The following PPFIA2 variants were observed in gnomAD, a reference collection of about 807,000 sequenced individuals.
PPFIA2 encodes liprin-alpha-2.
PPFIA2 carries 46 observed loss-of-function variants against 175.5 expected under a neutral mutation model. The observed-to-expected ratio is 0.26, with a 90% CI of 0.21 to 0.34. The LOEUF (loss-of-function observed/expected upper bound fraction) is 0.34. Ranked by LOEUF, PPFIA2 falls within the 10% of genes least tolerant of loss-of-function variation. The probability of loss-of-function intolerance (pLI) is 1.00; values close to 1 mark genes in which losing one functional copy is unlikely to be tolerated. For missense variants in PPFIA2, 1,179 were observed against 1,506.1 expected (o/e 0.78, Z 3.60); for synonymous variants, 568 against 511.4 (o/e 1.11, Z -1.49).
At chr12:81,344,563 T>C in intron 19 of PPFIA2, 101 bp downstream of exon 19, 3 of 812,858 alleles carry the variant, frequency 3.7e-6, no homozygotes, top group Non-Finnish European at 5.6e-6. Context: ...CTCAACTTTT[T>C]AATGTTTTAT....
intron 4 of PPFIA2, among the ~76,000 whole-genome samples, chr12:81,656,137 A>G (rs558953718): frequency 9.2e-5 from 14 of 151,796 alleles, no homozygotes; most frequent in African/African-American, 2.9e-4. Flanking sequence ...TTTAATTATC[A>G]TATTTGTTCT....
At chr12:81,709,574 T>C (rs937910522) in intron 3 of PPFIA2, among the ~76,000 whole-genome samples, 1 of 152,014 alleles carries the variant, frequency 6.6e-6, no homozygotes, top group South Asian at 2.1e-4. Context: ...ATGTCATATA[T>C]ATTTTACAAA....
intron 5 of PPFIA2, among the ~76,000 whole-genome samples, chr12:81,454,842 A>T (rs1441911962): frequency 6.6e-6 from 1 of 151,946 alleles, no homozygotes; most frequent in African/African-American, 2.4e-5. Flanking sequence ...TTTCTTTTAT[A>T]TATTTATTTA....
At chr12:81,373,604 C>A (rs2035691598) in intron 11 of PPFIA2, among the ~76,000 whole-genome samples, 1 of 152,024 alleles carries the variant, frequency 6.6e-6, no homozygotes, top group Non-Finnish European at 1.5e-5. Flanking sequence ...TAAATGCTCT[C>A]TAATCCTGCT....
chr12:81,321,705 T>C (rs958777225), intron 22 of PPFIA2, among the ~76,000 whole-genome samples: 2 of 152,210 alleles, frequency 1.3e-5, no homozygotes, highest in Non-Finnish European at 2.9e-5. Flanking sequence ...AATTGACTAT[T>C]TTGTTAGTCA....
At chr12:81,589,193 C>T (rs1174964991) in intron 4 of PPFIA2, among the ~76,000 whole-genome samples, 4 of 152,002 alleles carry the variant, frequency 2.6e-5, no homozygotes, top group African/African-American at 9.7e-5. Context: ...CACCTGCCCT[C>T]ATATAATATA....
chr12:81,641,855 T>G (rs2065012597), intron 4 of PPFIA2, among the ~76,000 whole-genome samples: 1 of 152,202 alleles, frequency 6.6e-6, no homozygotes, highest in Admixed American at 6.5e-5. Flanking sequence ...TGTCTTATTA[T>G]GCATCAAAGT....
intron 4 of PPFIA2, among the ~76,000 whole-genome samples, chr12:81,536,918 T>G (rs528025595): frequency 6.6e-6 from 1 of 150,954 alleles, no homozygotes; most frequent in Non-Finnish European, 1.5e-5. Flanking sequence ...CAGTTAAGAC[T>G]GATGGGAAAG....
At chr12:81,705,456 C>CAAAAAAAAAAAAAAAA (rs58602688) in intron 3 of PPFIA2, among the ~76,000 whole-genome samples, 1 of 55,718 alleles carries the variant, frequency 1.8e-5, no homozygotes, top group Non-Finnish European at 4.3e-5. Flanking sequence ...GACTAGGTCT[C>CAAAAAAAAAAAAAAAA]AAAAAAAAAA....
intron 8 of PPFIA2, among the ~76,000 whole-genome samples, chr12:81,401,417 T>C (rs902325193): frequency 1.3e-5 from 2 of 152,188 alleles, no homozygotes; most frequent in East Asian, 1.9e-4. Context: ...TTCATACAGC[T>C]GGTAGCTGGC....
chr12:81,588,743 G>A (rs2075625517), intron 4 of PPFIA2, among the ~76,000 whole-genome samples: 1 of 151,498 alleles, frequency 6.6e-6, no homozygotes, highest in Admixed American at 6.6e-5. Flanking sequence ...TCTTTTATTA[G>A]CTCACATCCT....
At chr12:81,642,664 TATAC>T (rs1555549054) in intron 4 of PPFIA2, among the ~76,000 whole-genome samples, 1 of 113,824 alleles carries the variant, frequency 8.8e-6, no homozygotes, top group East Asian at 4.4e-4. Flanking sequence ...GTATCTATTA[TATAC>T]ATACATGTAT....
At position 81,705,754 on chromosome 12, in the gene PPFIA2, A is replaced by G. The variant is rs537115524; in HGVS notation, c.250-28910T>C. Among the ~76,000 whole-genome samples, 4 of 152,316 alleles carry G rather than the reference A, an allele frequency of 2.6e-5. No individual in the cohort carries two copies. In the South Asian group the frequency reaches 8.3e-4, roughly 32 times the overall value. ...TCAGTTGATTATTTTGTCATGATGC[A>G]TGACTGTCTCATCAGCCAGTTGAAT... On this transcript the variant is annotated intron_variant, in intron 3 of 32. Transcript: ENST00000549396.
intron 24 of PPFIA2, among the ~76,000 whole-genome samples, chr12:81,285,145 G>GTTA (rs2043009217): frequency 1.3e-5 from 2 of 152,066 alleles, no homozygotes; most frequent in African/African-American, 4.8e-5. Context: ...ATAACGTACA[G>GTTA]TTTCGAAACC....
chr12:81,462,742 A>T (rs1276258611), intron 4 of PPFIA2, among the ~76,000 whole-genome samples: 1 of 151,494 alleles, frequency 6.6e-6, no homozygotes, highest in Non-Finnish European at 1.5e-5. Context: ...GCTGAAGCTC[A>T]CTATTATGAA....
At chr12:81,343,162 G>A (rs1291314726) in intron 19 of PPFIA2, among the ~76,000 whole-genome samples, 4 of 152,004 alleles carry the variant, frequency 2.6e-5, no homozygotes, top group South Asian at 4.1e-4. Context: ...CTTTTGAAGT[G>A]TAAATACCAT....
At chr12:81,633,117 A>G (rs1249861491) in intron 4 of PPFIA2, among the ~76,000 whole-genome samples, 1 of 152,108 alleles carries the variant, frequency 6.6e-6, no homozygotes, top group East Asian at 1.9e-4. Flanking sequence ...TGAATGTGGC[A>G]TTTGTGCTCA....
intron 3 of PPFIA2, among the ~76,000 whole-genome samples, chr12:81,729,161 G>GT (rs996968104): frequency 6.6e-5 from 10 of 151,358 alleles, no homozygotes; most frequent in African/African-American, 2.4e-4. Context: ...CAAAAGATCT[G>GT]TTTTTTTATA....
At chr12:81,275,930 G>A (rs969874181) in intron 28 of PPFIA2, among the ~76,000 whole-genome samples, 8 of 151,556 alleles carry the variant, frequency 5.3e-5, no homozygotes, top group Non-Finnish European at 7.4e-5. Context: ...GACTACAGGC[G>A]CCTGCCACCA....
Sources: gnomAD v4.1 joint callset for allele counts (sites outside exome capture counted in the v4.1 genomes callset) on GRCh38, gnomAD v4.1.1 for gene constraint, MANE v1.5 for transcripts, NCBI Gene and HGNC (gene_info 2026-07-23, HGNC 2026-07-21) for gene names.